The following FANCE variants were observed in gnomAD, a reference collection of about 807,000 sequenced individuals.
FANCE encodes the protein FA complementation group E, also known as Fanconi anemia group E protein.
A neutral mutation model predicts 57.8 loss-of-function variants in FANCE; 42 were observed. The observed-to-expected ratio is 0.73, with a 90% confidence interval of 0.57 to 0.94. FANCE has a LOEUF of 0.94. Among genes scored for constraint, FANCE ranks in the 40% least tolerant of loss-of-function variants. The pLI is 0.00. For missense variants in FANCE, 608 were observed against 661.8 expected, an observed-to-expected ratio of 0.92 and a Z score of 0.89; for synonymous variants, 251 against 286.4, an observed-to-expected ratio of 0.88 and a Z score of 1.25.
intron 3 of FANCE, 79 bp downstream of exon 3, chr6:35,457,679 A>G: frequency 2.0e-6 from 3 of 1,481,462 alleles, no homozygotes; most frequent in Non-Finnish European, 2.8e-6. Context: ...GGAAGGCCCA[A>G]TGCAGTGATA....
rs780283194 is a variant in FANCE, at chr6:35,458,000, T to G, written c.969+16T>G. On this transcript the variant is annotated intron_variant, in intron 4 of 9. Coordinates refer to ENST00000229769, the MANE Select transcript of FANCE (RefSeq NM_021922.3). ...TCCCAGCCAGGTGAGTCCAGATGAC[T>G]GCCTGGCTCTGAGGTTACATTCTCT... 9 of 1,605,736 alleles carry G rather than the reference T, an allele frequency of 5.6e-6. No individual in the cohort carries two copies. The highest frequency in any genetic ancestry group is 7.7e-6 in the Non-Finnish European group (9 of 1,172,434).
chr6:35,459,740 T>G lies in FANCE; in HGVS notation c.1296T>G (p.Asp432Glu). 6 of 1,614,158 alleles carry G rather than the reference T, an allele frequency of 3.7e-6. No homozygotes were observed. The highest frequency in any genetic ancestry group is 5.1e-6 in the Non-Finnish European group (6 of 1,180,024). The change falls in exon 7 of 10, where the codon GAT becomes GAG. Residue 432 changes from aspartate to glutamate, a missense_variant. Physicochemically the swap from Asp to Glu is conservative, Grantham distance 45. Coordinates refer to ENST00000229769, the MANE Select transcript of FANCE (RefSeq NM_021922.3). Reference sequence around the variant, plus strand: ...TGAAGATGGAGTCCCTGGAGCCAGATGCACAGGTTCTAATGCTGGGGTGAG... The same window carrying G: ...TGAAGATGGAGTCCCTGGAGCCAGAGGCACAGGTTCTAATGCTGGGGTGAG... ...CLVKMESLEP[D>E]AQVLMLGQIL...
Position 35,452,690 on chromosome 6 carries a change from G to A in FANCE, c.145G>A (p.Ala49Thr), listed in dbSNP as rs1225225979. The A allele has an allele frequency of 8.9e-6, 11 of 1,239,384 alleles. No homozygotes were observed. The Admixed American group carries it at 4.2e-4, about 48-fold the overall frequency. 76.8% of individuals were successfully genotyped at this position (1,239,384 alleles called of 1,614,324 possible). A position where few individuals can be genotyped will look rare whatever the true frequency, so the allele number is the denominator to read the frequency against. ...GCGGCGCGGCCTGGGGGTGCTCCGG[G>A]CGCTGGGCAGCCGCGGCTGGGAGCC... ...GARRGLGVLR[A>T]LGSRGWEPFD... Residue 49 changes from alanine (A) to threonine (T), a missense_variant, in exon 1 of 10, where the codon GCG becomes ACG. By Grantham distance (58) the Ala-to-Thr change is moderately conservative. Coordinates refer to ENST00000229769, the MANE Select transcript of FANCE (RefSeq NM_021922.3).
At chr6:35,458,007 C>T (rs1767419077) in intron 4 of FANCE, 23 bp downstream of exon 4, 4 of 1,601,052 alleles carry the variant, frequency 2.5e-6, no homozygotes, top group Non-Finnish European at 8.6e-7. Context: ...GACTGCCTGG[C>T]TCTGAGGTTA....
chr6:35,466,553 T>C lies in FANCE; in HGVS notation c.*208T>C, dbSNP rs751592951. The C allele has an allele frequency of 3.5e-6, 2 of 575,200 alleles. No homozygotes were observed. Among genetic ancestry groups the C allele is most frequent in the Non-Finnish European group, 6.2e-6 (2 of 323,564 alleles). 35.6% of individuals were successfully genotyped at this position (575,200 alleles called of 1,614,324 possible). On this transcript the variant is annotated 3_prime_UTR_variant, in exon 10 of 10. Coordinates refer to ENST00000229769, the MANE Select transcript of FANCE (RefSeq NM_021922.3). Reference sequence around the variant, plus strand: ...GGCTCCTGGGCTAAGGGAGCTCAGCTATATTTTCTTTTTCATTTCTTTTGT... The same window carrying C: ...GGCTCCTGGGCTAAGGGAGCTCAGCCATATTTTCTTTTTCATTTCTTTTGT...
At chr6:35,465,965 T>C (rs1281425826) in intron 9 of FANCE, among the ~76,000 whole-genome samples, 3 of 152,214 alleles carry the variant, frequency 2.0e-5, no homozygotes, top group African/African-American at 7.2e-5. Flanking sequence ...TATATGTATG[T>C]TTGTATATGG....
At chr6:35,460,680 G>C (rs776026880) in intron 8 of FANCE, 62 bp downstream of exon 8, 21 of 1,466,210 alleles carry the variant, frequency 1.4e-5, no homozygotes, top group Non-Finnish European at 2.0e-5. Context: ...GAAGCACACG[G>C]GGTTCCTGGG....
At chr6:35,458,211 T>C in intron 4 of FANCE, 86 bp from the exon 5 acceptor site, 2 of 1,560,936 alleles carry the variant, frequency 1.3e-6, no homozygotes, top group South Asian at 1.1e-5. Context: ...TGCCCTGCTC[T>C]GTCTGCTGTC....
Position 35,455,945 on chromosome 6 carries a change from C to T in FANCE, c.447C>T (p.Ser149=), listed in dbSNP as rs765591242. 4 of 1,614,006 alleles carry T rather than the reference C, an allele frequency of 2.5e-6. No individual in the cohort carries two copies. In the South Asian group the frequency reaches 4.4e-5, roughly 18 times the overall value. ...GAAGGGATTTGGGGGTGGGGACCTC[C>T]ATGGAGGGAGCTTCTCCACTGTCTG... ...LLRRDLGVGT[S]MEGASPLSER... Residue 149 remains serine (S), a synonymous_variant, in exon 2 of 10, where the codon TCC becomes TCT. Coordinates refer to ENST00000229769, the MANE Select transcript of FANCE (RefSeq NM_021922.3).
intron 9 of FANCE, among the ~76,000 whole-genome samples, chr6:35,465,583 C>A (rs991129482): frequency 6.6e-6 from 1 of 152,164 alleles, no homozygotes; most frequent in Non-Finnish European, 1.5e-5. Context: ...TTGATGTAGA[C>A]CCTCCCAGAA....
chr6:35,460,318 G>A (rs948745584), intron 7 of FANCE, among the ~76,000 whole-genome samples: 4 of 152,188 alleles, frequency 2.6e-5, no homozygotes, highest in Non-Finnish European at 4.4e-5. Context: ...ATTTCACCAT[G>A]TTGGCCAGGC....
intron 9 of FANCE, among the ~76,000 whole-genome samples, chr6:35,463,378 G>A (rs140369856): frequency 2.7e-4 from 41 of 152,276 alleles, no homozygotes; most frequent in African/African-American, 9.1e-4. Flanking sequence ...ACTGGGGAAT[G>A]AGACTGCTTA....
intron 2 of FANCE, 140 bp from the exon 3 acceptor site, chr6:35,457,416 T>A: frequency 1.2e-6 from 1 of 860,154 alleles, no homozygotes; most frequent in Non-Finnish European, 1.9e-6. Context: ...CCACCGCGCT[T>A]GGCCTCTTGA....
rs781480072 is a variant in FANCE at position 35,455,993 on chromosome 6, A to G, written c.495A>G (p.Gln165=). The part of the protein sequence containing the change: ...PLSERCQRQL[Q]SLCRGLGLGG... ...CTGAAAGATGCCAGAGACAGCTCCA[A>G]AGTCTATGTAGGGGGCTGGGCCTGG... Residue 165 remains glutamine (Q), a synonymous_variant, in exon 2 of 10, where the codon CAA becomes CAG. Coordinates refer to ENST00000229769, the MANE Select transcript of FANCE (RefSeq NM_021922.3). The G allele has an allele frequency of 4.3e-6, 7 of 1,613,062 alleles. No individual in the cohort carries two copies. In the East Asian group the frequency reaches 1.6e-4, roughly 36 times the overall value.
intron 1 of FANCE, among the ~76,000 whole-genome samples, chr6:35,455,240 T>C (rs749112538): frequency 1.7e-4 from 26 of 152,150 alleles, no homozygotes; most frequent in Non-Finnish European, 1.5e-5. Context: ...TGTCATATGA[T>C]AGATATTCAA....
intron 9 of FANCE, among the ~76,000 whole-genome samples, chr6:35,465,583 CCCT>C (rs1463207407): frequency 1.3e-5 from 2 of 152,164 alleles, no homozygotes; most frequent in Non-Finnish European, 2.9e-5. Context: ...TTGATGTAGA[CCCT>C]CCCAGAAAGA....
intron 5 of FANCE, among the ~76,000 whole-genome samples, chr6:35,458,815 C>T (rs1237051056): frequency 3.3e-5 from 5 of 151,940 alleles, no homozygotes; most frequent in African/African-American, 1.2e-4. Flanking sequence ...GAGTCTTGCT[C>T]TGTCACTCAA....
At chr6:35,464,764 G>C in intron 9 of FANCE, among the ~76,000 whole-genome samples, 1 of 127,578 alleles carries the variant, frequency 7.8e-6, no homozygotes, top group Non-Finnish European at 1.6e-5. Context: ...ATGGAGTCTC[G>C]CTCTGTCGCC....
chr6:35,452,419 G>T lies in FANCE; in HGVS notation c.-127G>T, dbSNP rs1391821339. The T allele has an allele frequency of 5.9e-6, 6 of 1,022,560 alleles. No homozygotes were observed. The highest frequency in any genetic ancestry group is 7.4e-6 in the Non-Finnish European group (6 of 806,562). 63.3% of individuals were successfully genotyped at this position (1,022,560 alleles called of 1,614,324 possible). A position where few individuals can be genotyped will look rare whatever the true frequency, so the allele number is the denominator to read the frequency against. ...GGTCTCCCAACGCCGAGGAGAGCTT[G>T]TAACAGGCGCTGGAGCTGGCCCGCC... On this transcript the variant is annotated 5_prime_UTR_variant, in exon 1 of 10. Transcript: ENST00000229769.
Sources: allele counts gnomAD v4.1 joint callset (sites outside exome capture counted in the v4.1 genomes callset), GRCh38; gene constraint gnomAD v4.1.1; transcripts MANE v1.5; gene names NCBI Gene and HGNC (gene_info 2026-07-23, HGNC 2026-07-21).